ADAMTSL1: variants seen among roughly 807,000 people sequenced by gnomAD.
ADAMTSL1 encodes ADAMTS like 1, also known as ADAMTS-like protein 1.
Under a neutral mutation model 201.8 loss-of-function variants are expected in ADAMTSL1, and 126 were observed. That is an observed-to-expected ratio of 0.62 (90% CI 0.54 to 0.72). The LOEUF (loss-of-function observed/expected upper bound fraction) is 0.72, where lower values mean the gene tolerates loss of function less well. Ranked by LOEUF, ADAMTSL1 falls within the 30% of genes least tolerant of loss-of-function variation. ADAMTSL1 has a pLI of 0.00. For synonymous variants in ADAMTSL1, 1,121 were observed against 903.4 expected, an observed-to-expected ratio of 1.24 and a Z score of -4.32; for missense variants, 2,679 against 2,277.8, an observed-to-expected ratio of 1.18 and a Z score of -3.59.
intron 28 of ADAMTSL1, chr9:18,907,271 A>C (rs1563910486): frequency 3.7e-6 from 1 of 267,732 alleles, no homozygotes; most frequent in South Asian, 5.0e-5. Flanking sequence ...CTAAACAGAA[A>C]ATGCTGTTAA....
intron 2 of ADAMTSL1, among the ~76,000 whole-genome samples, chr9:18,389,479 C>T (rs541475774): frequency 1.3e-5 from 2 of 152,212 alleles, no homozygotes; most frequent in South Asian, 4.1e-4. Flanking sequence ...GAATGGCTAT[C>T]CTGTATTCAT....
chr9:18,209,264 G>T (rs1193426648), intron 2 of ADAMTSL1, among the ~76,000 whole-genome samples: 1 of 152,086 alleles, frequency 6.6e-6, no homozygotes, highest in African/African-American at 2.4e-5. Context: ...GTTTGTGATG[G>T]CTGAAAGAAC....
At chr9:18,625,161 C>G (rs1826280258) in intron 5 of ADAMTSL1, among the ~76,000 whole-genome samples, 1 of 152,218 alleles carries the variant, frequency 6.6e-6, no homozygotes, top group South Asian at 2.1e-4. Context: ...TGCCAGATCT[C>G]TCCCCTGTCT....
intron 2 of ADAMTSL1, among the ~76,000 whole-genome samples, chr9:18,208,467 C>T (rs925365976): frequency 2.6e-5 from 4 of 152,108 alleles, no homozygotes; most frequent in African/African-American, 9.7e-5. Context: ...CAATGAGTGT[C>T]CAAGCAGTCA....
At chr9:18,542,879 C>G (rs1219931708) in intron 3 of ADAMTSL1, among the ~76,000 whole-genome samples, 1 of 152,158 alleles carries the variant, frequency 6.6e-6, no homozygotes, top group African/African-American at 2.4e-5. Flanking sequence ...TATTCTATGG[C>G]ATCATGGGTA....
At chr9:18,635,446 G>A (rs1827052035) in intron 5 of ADAMTSL1, among the ~76,000 whole-genome samples, 1 of 152,094 alleles carries the variant, frequency 6.6e-6, no homozygotes, top group African/African-American at 2.4e-5. Context: ...ATATTGTGAA[G>A]GATATTTAAG....
intron 1 of ADAMTSL1, among the ~76,000 whole-genome samples, chr9:17,930,259 C>T (rs1048476223): frequency 6.6e-6 from 1 of 151,956 alleles, no homozygotes; most frequent in African/African-American, 2.4e-5. Context: ...GAGTCTCTGC[C>T]GTCTTTAACA....
At chr9:18,069,239 A>G (rs1011873407) in intron 1 of ADAMTSL1, among the ~76,000 whole-genome samples, 7 of 152,250 alleles carry the variant, frequency 4.6e-5, no homozygotes, top group Middle Eastern at 3.2e-3. Flanking sequence ...AACTTATGAC[A>G]TGTTGAAATG....
At chr9:18,658,291 T>G (rs943992492) in intron 8 of ADAMTSL1, among the ~76,000 whole-genome samples, 9 of 152,220 alleles carry the variant, frequency 5.9e-5, no homozygotes, top group Non-Finnish European at 4.4e-5. Flanking sequence ...CAGTCTTTAC[T>G]TCTCTCCTTG....
rs1198563780 is a variant in ADAMTSL1, at chr9:18,706,993, G to A, written c.1821G>A (p.Glu607=). 3 of 1,613,968 alleles carry A rather than the reference G, an allele frequency of 1.9e-6. No individual in the cohort carries two copies. Among genetic ancestry groups the A allele is most frequent in the Admixed American group, 1.7e-5 (1 of 60,032 alleles). The change falls in exon 14 of 29, where the codon GAG becomes GAA. Residue 607 remains glutamate (E), a synonymous_variant. Coordinates refer to ENST00000380548, the MANE Select transcript of ADAMTSL1 (RefSeq NM_001040272.6). ...GLFGGLQDFD[E]LYDWEYEGFT... is the part of the protein sequence containing the mutation. ...TTGGTGGCCTGCAGGATTTCGACGA[G>A]CTGTATGACTGGGAGTATGAGGGGT... is the stretch of plus-strand genomic sequence containing the variant.
intron 4 of ADAMTSL1, among the ~76,000 whole-genome samples, chr9:18,605,868 C>A (rs530472680): frequency 1.3e-5 from 2 of 152,152 alleles, no homozygotes; most frequent in African/African-American, 2.4e-5. Context: ...ACTCTCCTTG[C>A]GTCACGCTTG....
At chr9:18,408,140 G>T (rs1458115774) in intron 2 of ADAMTSL1, among the ~76,000 whole-genome samples, 1 of 152,148 alleles carries the variant, frequency 6.6e-6, no homozygotes, top group Non-Finnish European at 1.5e-5. Context: ...TTAAGTTCAA[G>T]CTGAGAGGAA....
intron 2 of ADAMTSL1, among the ~76,000 whole-genome samples, chr9:18,311,366 A>G (rs1177659490): frequency 6.6e-6 from 1 of 152,024 alleles, no homozygotes; most frequent in Non-Finnish European, 1.5e-5. Context: ...AAAAAGTATA[A>G]TCCTTCAGAA....
intron 23 of ADAMTSL1, among the ~76,000 whole-genome samples, chr9:18,850,619 C>T (rs77607407): frequency 0.028 from 4,288 of 152,284 alleles, 197 homozygotes; most frequent in African/African-American, 0.096. Context: ...CATCTGATTC[C>T]TCATAAATAA....
intron 1 of ADAMTSL1, among the ~76,000 whole-genome samples, chr9:18,042,607 A>T (rs1821476199): frequency 6.6e-6 from 1 of 152,142 alleles, no homozygotes; most frequent in Non-Finnish European, 1.5e-5. Flanking sequence ...TCAGGATCAA[A>T]TTGAAGTTAT....
intron 2 of ADAMTSL1, among the ~76,000 whole-genome samples, chr9:18,432,520 T>C (rs10738509): frequency 0.58 from 87,402 of 151,744 alleles, 25,677 homozygotes; most frequent in East Asian, 0.92. Context: ...CTGAATCTTA[T>C]GTAGCTTACA....
chr9:18,781,958 A>T lies in ADAMTSL1; in HGVS notation c.3677+4052A>T, dbSNP rs1452132760. ...GATACTACTGTGTCTCATCATTTATATAACTTACTAGTTGAAATTCACATA... is the reference window on the plus strand; with the variant it reads ...GATACTACTGTGTCTCATCATTTATTTAACTTACTAGTTGAAATTCACATA... On this transcript the variant is annotated intron_variant, in intron 19 of 28. Transcript: ENST00000380548. Among the ~76,000 whole-genome samples the T allele has an allele frequency of 2.0e-5, 3 of 152,262 alleles. No individual in the cohort carries two copies. In the East Asian group the frequency reaches 5.8e-4, roughly 29 times the overall value.
intron 1 of ADAMTSL1, among the ~76,000 whole-genome samples, chr9:18,017,164 A>C (rs1406573809): frequency 2.0e-5 from 3 of 152,182 alleles, no homozygotes; most frequent in South Asian, 2.1e-4. Flanking sequence ...TATAGTTTAC[A>C]AAGGATATTC....
At chr9:18,792,662 A>T (rs1174393289) in intron 19 of ADAMTSL1, among the ~76,000 whole-genome samples, 1 of 152,268 alleles carries the variant, frequency 6.6e-6, no homozygotes, top group Non-Finnish European at 1.5e-5. Flanking sequence ...TTGTGAAAGC[A>T]TAAATATTCC....
Sources: allele counts gnomAD v4.1 joint callset (sites outside exome capture counted in the v4.1 genomes callset), GRCh38; gene constraint gnomAD v4.1.1; transcripts MANE v1.5; gene names NCBI Gene and HGNC (gene_info 2026-07-23, HGNC 2026-07-21).